SLC12A7: variants seen among roughly 807,000 people sequenced by gnomAD.
The protein encoded by SLC12A7 is K-Cl cotransporter 4.
A neutral mutation model predicts 120.6 loss-of-function variants in SLC12A7; 100 were observed. The observed-to-expected ratio is 0.83, with a 90% CI of 0.71 to 0.98. The LOEUF (loss-of-function observed/expected upper bound fraction) is 0.98, where lower values mean the gene tolerates loss of function less well. Among genes scored for constraint, SLC12A7 ranks in the 50% least tolerant of loss-of-function variants. The pLI, the probability that SLC12A7 is intolerant of heterozygous loss-of-function variation, is 0.00. For missense variants in SLC12A7, 1,373 were observed against 1,548.1 expected, an observed-to-expected ratio of 0.89 and a Z score of 1.90; for synonymous variants, 760 against 678.0, an observed-to-expected ratio of 1.12 and a Z score of -1.88.
chr5:1,067,118 C>G (rs1737137480), intron 17 of SLC12A7, among the ~76,000 whole-genome samples: 1 of 152,212 alleles, frequency 6.6e-6, no homozygotes. Context: ...CACCCCTCGT[C>G]CTTACCCTGC....
intron 1 of SLC12A7, among the ~76,000 whole-genome samples, chr5:1,108,187 G>A (rs529476697): frequency 1.1e-4 from 16 of 152,344 alleles, no homozygotes; most frequent in African/African-American, 2.6e-4. Context: ...ATAGGTGCCC[G>A]CACACATGGA....
chr5:1,111,164 A>G (rs1742969429), intron 1 of SLC12A7, among the ~76,000 whole-genome samples: 1 of 152,112 alleles, frequency 6.6e-6, no homozygotes, highest in African/African-American at 2.4e-5. Context: ...GGGGGCTGAG[A>G]TCCGGGGAGT....
chr5:1,050,544 G>T lies in SLC12A7; in HGVS notation c.*1816C>A, dbSNP rs1323893257. 2 of 282,796 alleles carry T rather than the reference G, an allele frequency of 7.1e-6. No homozygotes were observed. The highest frequency in any genetic ancestry group is 1.3e-5 in the Non-Finnish European group (2 of 153,180). The allele number at this position is 282,796 out of a possible 1,614,324, so 17.5% of individuals were successfully genotyped here. On this transcript the variant is annotated 3_prime_UTR_variant, in exon 24 of 24. Coordinates refer to ENST00000264930, the MANE Select transcript of SLC12A7 (RefSeq NM_006598.3). Reference sequence around the variant, plus strand: ...CGTGCAGAGGCTGCAGCCCAGGGCGGGGGCAGAGCTGAGCCCTCAGGAGGT... The same window carrying T: ...CGTGCAGAGGCTGCAGCCCAGGGCGTGGGCAGAGCTGAGCCCTCAGGAGGT...
chr5:1,076,308 G>C (rs964565382), intron 13 of SLC12A7, 72 bp from the exon 14 acceptor site: 1 of 1,206,988 alleles, frequency 8.3e-7, no homozygotes, highest in Non-Finnish European at 1.2e-6. Context: ...CCACCTGGGA[G>C]ACCACCCTTG....
rs1735093209 is a variant in SLC12A7, at chr5:1,052,052, A to AG, written c.*307dup. ...AAAAGAACTTCCAGAAACCAAGGCA[A>AG]GGGCTCACTGGCTTCTTGTGACCTG... is the stretch of plus-strand genomic sequence containing the variant. On this transcript the variant is annotated 3_prime_UTR_variant, in exon 24 of 24. Transcript: ENST00000264930. 2.4e-6 allele frequency: 1 copy of AG among 410,496 alleles called. No individual in the cohort carries two copies. Among genetic ancestry groups the AG allele is most frequent in the Admixed American group, 4.2e-5 (1 of 23,538 alleles). The allele number at this position is 410,496 out of a possible 1,614,324, so 25.4% of individuals were successfully genotyped here. A position where few individuals can be genotyped will look rare whatever the true frequency, so the allele number is the denominator to read the frequency against.
At chr5:1,140,683 TCA>T in the SLC12A7 span, among the ~76,000 whole-genome samples, 1 of 152,146 alleles carries the variant, frequency 6.6e-6, no homozygotes, top group Non-Finnish European at 1.5e-5. Flanking sequence ...AAAGCTCTGC[TCA>T]CCAGGCAACG....
At chr5:1,111,211 T>A (rs1322655822) in intron 1 of SLC12A7, among the ~76,000 whole-genome samples, 3 of 152,080 alleles carry the variant, frequency 2.0e-5, no homozygotes, top group Non-Finnish European at 2.9e-5. Flanking sequence ...GGAACAGGGC[T>A]GGGGGATTCT....
At chr5:1,090,993 G>A (rs983543874) in intron 3 of SLC12A7, among the ~76,000 whole-genome samples, 3 of 152,268 alleles carry the variant, frequency 2.0e-5, no homozygotes, top group East Asian at 1.9e-4. Context: ...CCCAGGGGCC[G>A]AGCCACGGTC....
intron 16 of SLC12A7, 135 bp downstream of exon 16, chr5:1,074,432 G>C (rs540086737): frequency 2.7e-6 from 2 of 748,664 alleles, no homozygotes; most frequent in South Asian, 1.9e-5. Flanking sequence ...GCACCAGGCA[G>C]TGTTCACACC....
the SLC12A7 span, among the ~76,000 whole-genome samples, chr5:1,143,435 G>A: frequency 9.9e-5 from 15 of 152,260 alleles, no homozygotes; most frequent in African/African-American, 2.9e-4. Context: ...TCCCACGGCC[G>A]CTCCTCTGCA....
chr5:1,095,051 G>A (rs954152369), intron 1 of SLC12A7, among the ~76,000 whole-genome samples: 31 of 130,350 alleles, frequency 2.4e-4, no homozygotes, highest in African/African-American at 7.1e-4. Flanking sequence ...GGTAGGAGGC[G>A]GGGCCGGTAG....
At chr5:1,112,154 GC>G (rs1743074484), upstream of SLC12A7, 1 of 864,754 alleles carries the variant, frequency 1.2e-6, no homozygotes, top group South Asian at 5.9e-5. Flanking sequence ...CGAAAAGTTG[GC>G]CCGCGGCGAC....
At chr5:1,153,052 C>T in the SLC12A7 span, among the ~76,000 whole-genome samples, 3 of 152,216 alleles carry the variant, frequency 2.0e-5, no homozygotes, top group Admixed American at 6.5e-5. Flanking sequence ...TCATATGTAG[C>T]GGGCACGACA....
At chr5:1,110,376 G>A (rs1241344587) in intron 1 of SLC12A7, among the ~76,000 whole-genome samples, 3 of 152,264 alleles carry the variant, frequency 2.0e-5, no homozygotes, top group Admixed American at 6.5e-5. Flanking sequence ...TGCGCGGGCA[G>A]CGACATGGGC....
At chr5:1,084,576 G>A (rs1739602252) in intron 7 of SLC12A7, among the ~76,000 whole-genome samples, 1 of 152,244 alleles carries the variant, frequency 6.6e-6, no homozygotes, top group Non-Finnish European at 1.5e-5. Flanking sequence ...GCATCGGCAG[G>A]GGGTCTCAGG....
intron 16 of SLC12A7, among the ~76,000 whole-genome samples, chr5:1,074,355 G>A (rs1275442591): frequency 6.6e-6 from 1 of 152,158 alleles, no homozygotes; most frequent in Non-Finnish European, 1.5e-5. Flanking sequence ...CTGGCAGAGG[G>A]GCCGGCTCCC....
At position 1,093,623 on chromosome 5, in the gene SLC12A7, C is replaced by T. The variant is rs138375128; in HGVS notation, c.252G>A (p.Ser84=). 4.4e-5 allele frequency: 71 copies of T among 1,613,130 alleles called. No homozygotes were observed. The South Asian group carries it at 5.6e-4, about 13-fold the overall frequency. Reference sequence around the variant, plus strand: ...TGTAGTTGGCCAGCTTGTTGAGCAGCGAGGACACCATGGGGTTACTGTCCA... The same window carrying T: ...TGTAGTTGGCCAGCTTGTTGAGCAGTGAGGACACCATGGGGTTACTGTCCA... The part of the protein sequence containing the change: ...EEMDSNPMVS[S]LLNKLANYTN... Residue 84 remains serine (S), a synonymous_variant, in exon 3 of 24, where the codon TCG becomes TCA. Transcript: ENST00000264930.
chr5:1,091,925 G>T (rs73028884), intron 3 of SLC12A7, among the ~76,000 whole-genome samples: 121 of 137,830 alleles, frequency 8.8e-4, no homozygotes, highest in African/African-American at 3.0e-3. Flanking sequence ...CTACAGACAG[G>T]GGGGGCGGCC....
rs771664711 is a variant in SLC12A7 at position 1,065,252 on chromosome 5, G to C, written c.2437+31C>G. On this transcript the variant is annotated intron_variant, in intron 18 of 23. Transcript: ENST00000264930. ...GAGAGGACACAGAGGGGACGGTGAG[G>C]GGATGCCGAAGGGCCGCCAGCCATG... The C allele has an allele frequency of 2.1e-5, 31 of 1,499,122 alleles. No individual in the cohort carries two copies. The Middle Eastern group carries it at 5.3e-4, about 26-fold the overall frequency. The allele number at this position is 1,499,122 out of a possible 1,614,324, so 92.9% of individuals were successfully genotyped here.
Sources: allele counts gnomAD v4.1 joint callset (sites outside exome capture counted in the v4.1 genomes callset), GRCh38; gene constraint gnomAD v4.1.1; transcripts MANE v1.5; gene names NCBI Gene and HGNC (gene_info 2026-07-23, HGNC 2026-07-21).